MYBPC1: variants seen among roughly 807,000 people sequenced by gnomAD.
The protein encoded by MYBPC1 is myosin binding protein C1.
MYBPC1 carries 52 observed loss-of-function variants against 147.1 expected under a neutral mutation model. The observed-to-expected ratio is 0.35, with a 90% confidence interval of 0.28 to 0.45. MYBPC1 has a LOEUF of 0.45. MYBPC1 is among the 20% of genes least tolerant of loss of function. The pLI is 1.00. For missense variants in MYBPC1, 1,228 were observed against 1,440.3 expected (o/e 0.85, Z 2.39); for synonymous variants, 477 against 475.9 (o/e 1.00, Z -0.03).
At chr12:101,620,360 A>T (rs997932267) in intron 3 of MYBPC1, among the ~76,000 whole-genome samples, 4 of 152,208 alleles carry the variant, frequency 2.6e-5, no homozygotes, top group African/African-American at 9.6e-5. Flanking sequence ...GGGGCCAAAG[A>T]TTCGCCTTTT....
At chr12:101,636,811 T>G (rs1309959606) in intron 10 of MYBPC1, 83 bp downstream of exon 10, 52 of 1,135,016 alleles carry the variant, frequency 4.6e-5, no homozygotes, top group Non-Finnish European at 6.8e-5. Flanking sequence ...TTAAAGTGGA[T>G]GTTCTTCAGA....
chr12:101,664,588 C>T (rs1897124995), intron 22 of MYBPC1: 1 of 152,204 alleles, frequency 6.6e-6, no homozygotes, highest in Non-Finnish European at 1.5e-5. Flanking sequence ...ATGAAACTTC[C>T]TATGAAGAGA....
At chr12:101,679,556 T>A (rs1950797681) in intron 28 of MYBPC1, among the ~76,000 whole-genome samples, 1 of 151,600 alleles carries the variant, frequency 6.6e-6, no homozygotes, top group Admixed American at 6.6e-5. Context: ...AATATGAGAG[T>A]GAGGAGTCAC....
intron 10 of MYBPC1, among the ~76,000 whole-genome samples, chr12:101,640,584 C>T (rs1463128003): frequency 1.3e-5 from 2 of 152,286 alleles, no homozygotes; most frequent in Non-Finnish European, 2.9e-5. Context: ...TCCTTCCCAT[C>T]AAGATTATTG....
In MYBPC1 at chr12:101,685,833, C is replaced by T. The variant is rs1951325107; in HGVS notation, c.*271C>T. The T allele has an allele frequency of 2.1e-5, 12 of 575,422 alleles. No homozygotes were observed. The highest frequency in any genetic ancestry group is 3.5e-5 in the Non-Finnish European group (12 of 345,246). The allele number at this position is 575,422 out of a possible 1,614,324, so 35.6% of individuals were successfully genotyped here. A position where few individuals can be genotyped will look rare whatever the true frequency, so the allele number is the denominator to read the frequency against. Reference sequence around the variant, plus strand: ...AGAGAAAAAAAAAAAAAAAAGTTTGCCCAGATTGCTTAATTAAAAATTGCA... The same window carrying T: ...AGAGAAAAAAAAAAAAAAAAGTTTGTCCAGATTGCTTAATTAAAAATTGCA... On this transcript the variant is annotated 3_prime_UTR_variant, in exon 32 of 32. Transcript: ENST00000361466.
intron 30 of MYBPC1, 28 bp from the exon 31 acceptor site, chr12:101,684,354 T>G: frequency 6.5e-7 from 1 of 1,546,818 alleles, no homozygotes; most frequent in Non-Finnish European, 8.9e-7. Flanking sequence ...ACGACTTCTC[T>G]CTCTCTCCCT....
chr12:101,689,995 CGAA>C (rs1566029481), downstream of MYBPC1, among the ~76,000 whole-genome samples: 1 of 152,102 alleles, frequency 6.6e-6, no homozygotes, highest in African/African-American at 2.4e-5. Flanking sequence ...GCCAACATGG[CGAA>C]AACCCGTCTC....
In MYBPC1 at chr12:101,670,369, G is replaced by A. The variant is rs368046357; in HGVS notation, c.2573G>A (p.Arg858His). ...IPRHLKQTYI[R>H]RVGEAVNLVI... ...AGACACCTGAAGCAAACCTATATCC[G>A]CAGAGTTGGAGAAGCTGTCAATCTG... The change falls in exon 24 of 32, where the codon CGC becomes CAC. Residue 858 changes from arginine (R) to histidine (H), a missense_variant. Arg to His is a conservative substitution (Grantham distance 29, BLOSUM62 0). This residue lies in a region of MYBPC1 where 1,077 missense variants were observed against 1,314.2 expected (regional missense o/e 0.82). Coordinates refer to ENST00000361466, the MANE Select transcript of MYBPC1 (RefSeq NM_002465.4). The A allele has an allele frequency of 6.2e-6, 10 of 1,613,888 alleles. No homozygotes were observed. The highest frequency in any genetic ancestry group is 4.5e-5 in the East Asian group (2 of 44,882).
At chr12:101,611,183 CA>C (rs1278711796) in intron 1 of MYBPC1, among the ~76,000 whole-genome samples, 1 of 152,214 alleles carries the variant, frequency 6.6e-6, no homozygotes, top group African/African-American at 2.4e-5. Flanking sequence ...AACCATCCCA[CA>C]ACGGTCCTAG....
chr12:101,662,033 T>C (rs1323387084), intron 20 of MYBPC1, among the ~76,000 whole-genome samples: 1 of 152,136 alleles, frequency 6.6e-6, no homozygotes, highest in Non-Finnish European at 1.5e-5. Flanking sequence ...TTATCTTCCT[T>C]GCTGGGACTC....
chr12:101,636,851 C>A, intron 10 of MYBPC1, 123 bp downstream of exon 10: 1 of 805,324 alleles, frequency 1.2e-6, no homozygotes, highest in Non-Finnish European at 2.1e-6. Flanking sequence ...ATGTGTTTTG[C>A]TTATAGAATA....
rs1352861526 is a variant in MYBPC1, at chr12:101,680,394, T to C, written c.3298T>C (p.Tyr1100His). The C allele has an allele frequency of 1.2e-6, 2 of 1,614,056 alleles. No homozygotes were observed. The highest frequency in any genetic ancestry group is 1.6e-4 in the Middle Eastern group (1 of 6,062). The change falls in exon 29 of 32, where the codon TAC becomes CAC. Residue 1100 changes from tyrosine to histidine, a missense_variant. Around this residue, in one of 2 missense-constraint regions of MYBPC1, gnomAD observed 1,077 missense variants for 1,314.2 expected, o/e 0.82. Coordinates refer to ENST00000361466, the MANE Select transcript of MYBPC1 (RefSeq NM_002465.4). ...AGTTGCTATTGTGGATGATCCAAGATACAGGATGTTCAGCAACCAGGGAGT... is the reference window on the plus strand; with the variant it reads ...AGTTGCTATTGTGGATGATCCAAGACACAGGATGTTCAGCAACCAGGGAGT... ...NKVAIVDDPR[Y>H]RMFSNQGVCT...
Position 101,675,437 on chromosome 12 carries a change from G to A in MYBPC1, c.2949+6G>A. On this transcript the variant is annotated splice_donor_region_variant and intron_variant, in intron 26 of 31. Transcript: ENST00000361466. ...AGGCTGACAAGAAGAGCATGGTAAG[G>A]TCTGGCTTTCTCTGGTTCATCAGTA... 6.2e-7 allele frequency: 1 copy of A among 1,614,110 alleles called. No homozygotes were observed. Among genetic ancestry groups the A allele is most frequent in the Non-Finnish European group, 8.5e-7 (1 of 1,179,982 alleles).
intron 30 of MYBPC1, 141 bp downstream of exon 30, chr12:101,682,803 T>C (rs1225660017): frequency 1.3e-6 from 1 of 795,872 alleles, no homozygotes. Flanking sequence ...ACAGTGCTTA[T>C]GCCATGAACA....
chr12:101,694,550 C>A, the MYBPC1 span, among the ~76,000 whole-genome samples: 1 of 152,148 alleles, frequency 6.6e-6, no homozygotes, highest in Non-Finnish European at 1.5e-5. Context: ...TAAGGAGACA[C>A]CAGAGAGCTT....
At chr12:101,666,137 T>C in intron 22 of MYBPC1, 1 of 158,422 alleles carries the variant, frequency 6.3e-6, no homozygotes, top group Non-Finnish European at 1.4e-5. Context: ...TTTGTTTTCT[T>C]GACAGAGTTC....
chr12:101,685,803 G>C lies in MYBPC1; in HGVS notation c.*241G>C. The C allele has an allele frequency of 1.5e-5, 6 of 409,528 alleles. No individual in the cohort carries two copies. Among genetic ancestry groups the C allele is most frequent in the South Asian group, 4.4e-5 (1 of 22,986 alleles). 25.4% of individuals were successfully genotyped at this position (409,528 alleles called of 1,614,324 possible). On this transcript the variant is annotated 3_prime_UTR_variant, in exon 32 of 32. Coordinates refer to ENST00000361466, the MANE Select transcript of MYBPC1 (RefSeq NM_002465.4). ...TGTGGTCTTTTTCTTTCCTCCTAATGTTGAAGAGAAAAAAAAAAAAAAAAG... is the reference window on the plus strand; with the variant it reads ...TGTGGTCTTTTTCTTTCCTCCTAATCTTGAAGAGAAAAAAAAAAAAAAAAG...
At chr12:101,643,619 T>A (rs994014254) in intron 11 of MYBPC1, among the ~76,000 whole-genome samples, 1 of 152,214 alleles carries the variant, frequency 6.6e-6, no homozygotes, top group Admixed American at 6.5e-5. Context: ...ACATGAAGCA[T>A]TTCACATTTG....
chr12:101,614,702 T>C, intron 2 of MYBPC1, 171 bp downstream of exon 2: 1 of 691,082 alleles, frequency 1.4e-6, no homozygotes. Context: ...TAATACACTG[T>C]GTTTATATAA....
Sources: gnomAD v4.1 joint callset for allele counts (sites outside exome capture counted in the v4.1 genomes callset) on GRCh38, gnomAD v4.1.1 for gene constraint, gnomAD v4.1.1 regional missense constraint, MANE v1.5 for transcripts, NCBI Gene and HGNC (gene_info 2026-07-23, HGNC 2026-07-21) for gene names.